PEPD: variants seen among roughly 807,000 people sequenced by gnomAD.
PEPD encodes peptidase D.
Under a neutral mutation model 60.7 loss-of-function variants are expected in PEPD, and 53 were observed. The ratio of observed to expected loss-of-function variants is 0.87; its 90% confidence interval spans 0.70 to 1.10. The LOEUF is 1.10. Among genes scored for constraint, PEPD ranks in the 50% least tolerant of loss-of-function variants. The pLI, the probability that PEPD is intolerant of heterozygous loss-of-function variation, is 0.00. For synonymous variants in PEPD, 267 were observed against 284.1 expected (o/e 0.94, Z 0.60); for missense variants, 711 against 711.9 (o/e 1.00, Z 0.01).
intron 9 of PEPD, among the ~76,000 whole-genome samples, chr19:33,425,231 G>A (rs942384663): frequency 1.3e-5 from 2 of 152,086 alleles, no homozygotes; most frequent in Non-Finnish European, 2.9e-5. Flanking sequence ...TTAGCCAGTC[G>A]TGGTGGCACA....
At chr19:33,428,959 C>T (rs573114199) in intron 9 of PEPD, among the ~76,000 whole-genome samples, 4 of 152,226 alleles carry the variant, frequency 2.6e-5, no homozygotes, top group Middle Eastern at 3.2e-3. Context: ...CAGGCAGCCC[C>T]GAGTGGAGAT....
At chr19:33,442,821 T>A (rs1969509463) in intron 9 of PEPD, among the ~76,000 whole-genome samples, 1 of 152,162 alleles carries the variant, frequency 6.6e-6, no homozygotes, top group Non-Finnish European at 1.5e-5. Flanking sequence ...ACCTGTCACT[T>A]AATTATAGAC....
At chr19:33,393,310 C>T (rs572802423) in intron 12 of PEPD, among the ~76,000 whole-genome samples, 248 of 150,836 alleles carry the variant, frequency 1.6e-3, no homozygotes, top group Non-Finnish European at 3.1e-3. Flanking sequence ...CGGGGTCTGG[C>T]GTGGGGGAGA....
chr19:33,462,902 T>C (rs1969953189), intron 9 of PEPD, 93 bp downstream of exon 9: 2 of 809,502 alleles, frequency 2.5e-6, no homozygotes, highest in South Asian at 1.3e-5. Context: ...ACGGTGTGTG[T>C]GCCACTGCGG....
chr19:33,458,970 C>A (rs886514093), intron 9 of PEPD, among the ~76,000 whole-genome samples: 1 of 143,186 alleles, frequency 7.0e-6, no homozygotes, highest in African/African-American at 2.6e-5. Flanking sequence ...GCTGGGCACA[C>A]AGAATCACAA....
chr19:33,495,693 C>CA (rs1352949862), intron 4 of PEPD, among the ~76,000 whole-genome samples: 2 of 151,402 alleles, frequency 1.3e-5, no homozygotes, highest in African/African-American at 4.9e-5. Context: ...TGCAAAAAAA[C>CA]AAAAGGCTCA....
intron 9 of PEPD, among the ~76,000 whole-genome samples, chr19:33,450,711 GA>G (rs1406409125): frequency 6.6e-6 from 1 of 152,132 alleles, no homozygotes; most frequent in East Asian, 1.9e-4. Flanking sequence ...GAAAATAAAG[GA>G]AAAAGAAGTT....
At position 33,507,057 on chromosome 19, in the gene PEPD, C is replaced by T. The variant is rs1970827857; in HGVS notation, c.329+3971G>A. On this transcript the variant is annotated intron_variant, in intron 3 of 14. Coordinates refer to ENST00000244137, the MANE Select transcript of PEPD (RefSeq NM_000285.4). The stretch of plus-strand genomic sequence containing the variant: ...TGCACTCCATATGCACACACAGCCC[C>T]CCACACATACACCATGCATGTGCAA... Among the ~76,000 whole-genome samples the T allele has an allele frequency of 2.0e-5, 3 of 152,120 alleles. No homozygotes were observed. In the South Asian group the frequency reaches 6.2e-4, roughly 31 times the overall value.
In PEPD at chr19:33,388,063, C is replaced by A. The variant is rs886054333; in HGVS notation, c.1171G>T (p.Glu391Ter). 1.3e-6 allele frequency: 2 copies of A among 1,550,830 alleles called. No individual in the cohort carries two copies. Among genetic ancestry groups the A allele is most frequent in the South Asian group, 1.2e-5 (1 of 84,312 alleles). The change falls in exon 14 of 15, where the codon GAG becomes TAG. Residue 391 changes from glutamate to a stop codon, truncating the protein, a stop_gained. Coordinates refer to ENST00000244137, the MANE Select transcript of PEPD (RefSeq NM_000285.4). LOFTEE classifies it high-confidence loss of function. ...GYPEGVERID[E>*]PGLRSLRTAR... ...GTGCGCAGGCTCCGCAGGCCGGGCT[C>A]GTCGATGCGCTCCACGCCCTGTGGG...
At chr19:33,478,235 T>C (rs1970258228) in intron 6 of PEPD, 145 bp from the exon 7 acceptor site, 6 of 708,880 alleles carry the variant, frequency 8.5e-6, no homozygotes, top group Admixed American at 2.0e-5. Context: ...ACAAAAGGCC[T>C]GTTGATCCCT....
At chr19:33,418,415 T>C (rs926391412) in intron 9 of PEPD, among the ~76,000 whole-genome samples, 3 of 152,180 alleles carry the variant, frequency 2.0e-5, no homozygotes, top group African/African-American at 7.2e-5. Flanking sequence ...TATGGAGGAC[T>C]TGGAGCCAAA....
At chr19:33,406,020 C>T (rs1340123081) in intron 11 of PEPD, among the ~76,000 whole-genome samples, 1 of 152,184 alleles carries the variant, frequency 6.6e-6, no homozygotes, top group East Asian at 1.9e-4. Context: ...GGCACGGCAC[C>T]AGTGAGGGGC....
At chr19:33,515,217 G>A (rs986970565) in intron 1 of PEPD, among the ~76,000 whole-genome samples, 1 of 152,168 alleles carries the variant, frequency 6.6e-6, no homozygotes, top group African/African-American at 2.4e-5. Context: ...ATGAGAAGAT[G>A]CCACATCAGC....
chr19:33,448,556 T>A (rs1969636344), intron 9 of PEPD, among the ~76,000 whole-genome samples: 1 of 152,196 alleles, frequency 6.6e-6, no homozygotes, highest in African/African-American at 2.4e-5. Context: ...GCTCTCCTAT[T>A]TTTCTTGAAA....
At chr19:33,508,430 T>A (rs1480419983) in intron 3 of PEPD, among the ~76,000 whole-genome samples, 1 of 151,616 alleles carries the variant, frequency 6.6e-6, no homozygotes. Context: ...TTACAACGGC[T>A]GGGGAATAAA....
intron 4 of PEPD, among the ~76,000 whole-genome samples, chr19:33,500,056 C>T (rs1050460723): frequency 2.0e-5 from 3 of 152,218 alleles, no homozygotes; most frequent in Non-Finnish European, 2.9e-5. Flanking sequence ...TTAGCATGGC[C>T]GACACATAAT....
chr19:33,501,038 T>C lies in PEPD; in HGVS notation c.330-37A>G, dbSNP rs1970701916. 2.3e-6 allele frequency: 3 copies of C among 1,304,506 alleles called. No individual in the cohort carries two copies. In the East Asian group the frequency reaches 6.9e-5, roughly 30 times the overall value. The allele number at this position is 1,304,506 out of a possible 1,614,324, so 80.8% of individuals were successfully genotyped here. A position where few individuals can be genotyped will look rare whatever the true frequency, so the allele number is the denominator to read the frequency against. ...GCACAAGGAATATCAGGGTCAGGGC[T>C]TGGTAATGGCTCAGCATGGCCACCT... On this transcript the variant is annotated intron_variant, in intron 3 of 14. Coordinates refer to ENST00000244137, the MANE Select transcript of PEPD (RefSeq NM_000285.4).
intron 7 of PEPD, 36 bp downstream of exon 7, chr19:33,478,010 C>A: frequency 6.6e-7 from 1 of 1,525,310 alleles, no homozygotes; most frequent in East Asian, 2.3e-5. Flanking sequence ...GAGCCGAGCA[C>A]AACAAACAGG....
chr19:33,423,932 A>C (rs1969089718), intron 9 of PEPD, among the ~76,000 whole-genome samples: 1 of 152,236 alleles, frequency 6.6e-6, no homozygotes, highest in Non-Finnish European at 1.5e-5. Context: ...CATTTACTTA[A>C]TCAATGAACC....
Sources: gnomAD v4.1 joint callset for allele counts (sites outside exome capture counted in the v4.1 genomes callset) on GRCh38, gnomAD v4.1.1 for gene constraint, MANE v1.5 for transcripts, NCBI Gene and HGNC (gene_info 2026-07-23, HGNC 2026-07-21) for gene names.